Variants in ZNF516 observed in about 807,000 individuals in gnomAD.
The protein encoded by ZNF516 is zinc finger protein 516.
ZNF516 carries 19 observed loss-of-function variants against 79.7 expected under a neutral mutation model. The observed-to-expected ratio is 0.24, with a 90% CI of 0.17 to 0.35. The LOEUF is 0.35. ZNF516 is among the 10% of genes least tolerant of loss of function. The pLI, the probability that ZNF516 is intolerant of heterozygous loss-of-function variation, is 1.00. For synonymous variants in ZNF516, 877 were observed against 739.5 expected (o/e 1.19, Z -3.02); for missense variants, 1,678 against 1,679.5 (o/e 1.00, Z 0.02).
intron 3 of ZNF516, among the ~76,000 whole-genome samples, chr18:76,426,239 C>T (rs911781553): frequency 2.0e-5 from 3 of 152,210 alleles, no homozygotes; most frequent in African/African-American, 4.8e-5. Context: ...AGGGTCTCCC[C>T]TCCTCTCCCT....
chr18:76,408,037 T>A (rs2075325224), intron 3 of ZNF516, among the ~76,000 whole-genome samples: 1 of 152,182 alleles, frequency 6.6e-6, no homozygotes, highest in Non-Finnish European at 1.5e-5. Flanking sequence ...ACGCTAGACA[T>A]GCACCATTTT....
intron 3 of ZNF516, among the ~76,000 whole-genome samples, chr18:76,426,927 G>A (rs1001568414): frequency 1.3e-5 from 2 of 152,184 alleles, no homozygotes; most frequent in African/African-American, 4.8e-5. Flanking sequence ...GGCAAGCAAG[G>A]ATCCTGGAAC....
At chr18:76,454,437 ATCTT>A (rs1343492225) in intron 2 of ZNF516, among the ~76,000 whole-genome samples, 1 of 152,238 alleles carries the variant, frequency 6.6e-6, no homozygotes, top group African/African-American at 2.4e-5. Context: ...AAAAGGACAA[ATCTT>A]TCCCAAATGC....
chr18:76,465,895 G>A (rs919010629), intron 1 of ZNF516, among the ~76,000 whole-genome samples: 4 of 152,176 alleles, frequency 2.6e-5, no homozygotes, highest in Non-Finnish European at 5.9e-5. Context: ...GGACCCGAGC[G>A]CAGCACAGGC....
At chr18:76,375,231 A>C (rs975338486) in intron 4 of ZNF516, among the ~76,000 whole-genome samples, 1 of 152,156 alleles carries the variant, frequency 6.6e-6, no homozygotes, top group Admixed American at 6.5e-5. Context: ...ACAAACATTC[A>C]AGTAAGGAGA....
At chr18:76,477,023 T>C (rs1914212651) in intron 1 of ZNF516, among the ~76,000 whole-genome samples, 1 of 152,188 alleles carries the variant, frequency 6.6e-6, no homozygotes, top group South Asian at 2.1e-4. Context: ...GGTCTACATT[T>C]TCCCTTTATG....
At chr18:76,365,822 G>A (rs764057425) in intron 6 of ZNF516, among the ~76,000 whole-genome samples, 4 of 152,208 alleles carry the variant, frequency 2.6e-5, no homozygotes, top group Non-Finnish European at 4.4e-5. Context: ...CTTCTAGCTT[G>A]TCTACGATCG....
intron 3 of ZNF516, among the ~76,000 whole-genome samples, chr18:76,416,646 T>A (rs1001869434): frequency 2.0e-5 from 3 of 152,196 alleles, no homozygotes; most frequent in Admixed American, 6.5e-5. Flanking sequence ...GAATAGTCAA[T>A]GTGAGGACCA....
intron 6 of ZNF516, among the ~76,000 whole-genome samples, 178 bp downstream of exon 6, chr18:76,370,349 TG>T: frequency 6.6e-6 from 1 of 152,168 alleles, no homozygotes; most frequent in African/African-American, 2.4e-5. Flanking sequence ...AGGACCTCTG[TG>T]CGGGTACTGC....
intron 3 of ZNF516, among the ~76,000 whole-genome samples, chr18:76,397,166 C>T (rs573639663): frequency 6.6e-6 from 1 of 152,136 alleles, no homozygotes; most frequent in Non-Finnish European, 1.5e-5. Flanking sequence ...AGACCCAAGC[C>T]CCAAACACCA....
chr18:76,483,032 A>G lies in ZNF516; in HGVS notation c.-272+12112T>C, dbSNP rs562588630. 4.7e-4 allele frequency among the ~76,000 whole-genome samples: 71 copies of G among 152,296 alleles called. 2 individuals carry two copies. In the South Asian group the frequency reaches 5.0e-3, roughly 11 times the overall value. ...AAAGAAAAAAAATTCTGAATTTACT[A>G]ATTTTTTTCCTCTTAAGAAAAGAAA... On this transcript the variant is annotated intron_variant, in intron 1 of 6. Transcript: ENST00000443185.
intron 1 of ZNF516, among the ~76,000 whole-genome samples, chr18:76,464,154 T>G (rs1435924793): frequency 1.3e-5 from 2 of 152,050 alleles, no homozygotes; most frequent in Non-Finnish European, 2.9e-5. Context: ...TAAAACCCCG[T>G]CTGTACTAAA....
intron 1 of ZNF516, among the ~76,000 whole-genome samples, chr18:76,480,524 C>CACACACACATATATATAT (rs1267997459): frequency 4.3e-5 from 5 of 116,400 alleles, no homozygotes; most frequent in Non-Finnish European, 7.2e-5. Flanking sequence ...CACACACACA[C>CACACACACATATATATAT]ATATATTTTT....
At chr18:76,447,575 C>G (rs1304103797) in intron 2 of ZNF516, among the ~76,000 whole-genome samples, 1 of 152,188 alleles carries the variant, frequency 6.6e-6, no homozygotes, top group African/African-American at 2.4e-5. Flanking sequence ...CCACCCAAAC[C>G]ACAGGGAATA....
At chr18:76,439,962 C>A (rs995077470) in intron 3 of ZNF516, among the ~76,000 whole-genome samples, 14 of 152,040 alleles carry the variant, frequency 9.2e-5, no homozygotes, top group East Asian at 5.8e-4. Flanking sequence ...TCAAAAAATC[C>A]AAAAGTGTTC....
At chr18:76,364,878 T>G (rs2074590806) in intron 6 of ZNF516, among the ~76,000 whole-genome samples, 1 of 152,248 alleles carries the variant, frequency 6.6e-6, no homozygotes, top group African/African-American at 2.4e-5. Context: ...GGGGGGATTT[T>G]GGGTAATTCG....
Position 76,493,238 on chromosome 18 carries a change from T to C in ZNF516, c.-272+1906A>G. The C allele has an allele frequency of 1.0e-6, 1 of 952,868 alleles. No homozygotes were observed. Among genetic ancestry groups the C allele is most frequent in the South Asian group, 4.9e-5 (1 of 20,594 alleles). 59.0% of individuals were successfully genotyped at this position (952,868 alleles called of 1,614,324 possible). ...ACGATATCCATTTAAATATATTTTG[T>C]ACTTCCACAAAGGATGGAAAGGGAA... On this transcript the variant is annotated intron_variant, in intron 1 of 6. Coordinates refer to ENST00000443185, the MANE Select transcript of ZNF516 (RefSeq NM_014643.4). This position sits in a 1 kb window ranked among gnomAD's most constrained non-coding sequence, Gnocchi z 5.2.
rs188984586 is a variant in ZNF516, at chr18:76,490,217, C to G, written c.-272+4927G>C. ...CTGTGAAATTAAAGACGTCCTCCTA[C>G]AAGTAACCCAACTCTCAAACCCCTG... On this transcript the variant is annotated intron_variant, in intron 1 of 6. Transcript: ENST00000443185. The G allele has an allele frequency of 3.0e-6, 3 of 985,184 alleles. No homozygotes were observed. The East Asian group carries it at 3.4e-4, about 112-fold the overall frequency. 61.0% of individuals were successfully genotyped at this position (985,184 alleles called of 1,614,324 possible).
chr18:76,413,712 C>A (rs1050891140), intron 3 of ZNF516, among the ~76,000 whole-genome samples: 2 of 152,146 alleles, frequency 1.3e-5, no homozygotes, highest in Non-Finnish European at 2.9e-5. Context: ...CTTCATCTAA[C>A]CCACTTTGGG....
Sources: gnomAD v4.1 joint callset for allele counts (sites outside exome capture counted in the v4.1 genomes callset) on GRCh38, gnomAD v4.1.1 for gene constraint, Gnocchi (gnomAD v3.1) non-coding constraint, MANE v1.5 for transcripts, NCBI Gene and HGNC (gene_info 2026-07-23, HGNC 2026-07-21) for gene names.